BNC2: variants seen among roughly 807,000 people sequenced by gnomAD.
The protein encoded by BNC2 is zinc finger protein basonuclin-2.
Under a neutral mutation model 76.3 loss-of-function variants are expected in BNC2, and 20 were observed. That is an observed-to-expected ratio of 0.26 (90% confidence interval 0.18 to 0.38). The LOEUF is 0.38. BNC2 is among the 10% of genes least tolerant of loss of function. The probability of loss-of-function intolerance (pLI) is 1.00; values close to 1 mark genes in which losing one functional copy is unlikely to be tolerated. For synonymous variants in BNC2, 582 were observed against 514.8 expected (o/e 1.13, Z -1.77); for missense variants, 1,382 against 1,399.8 (o/e 0.99, Z 0.20).
At chr9:16,563,694 T>A (rs187312856) in intron 4 of BNC2, among the ~76,000 whole-genome samples, 189 of 152,366 alleles carry the variant, frequency 1.2e-3, no homozygotes, top group Non-Finnish European at 2.2e-3. Flanking sequence ...TGTGAACAGA[T>A]GTCTCAGCAG....
intron 3 of BNC2, among the ~76,000 whole-genome samples, chr9:16,718,789 C>A (rs1824063199): frequency 6.6e-6 from 1 of 152,186 alleles, no homozygotes; most frequent in Non-Finnish European, 1.5e-5. Context: ...CACAGGCTCA[C>A]TGCCTCTGAG....
chr9:16,658,189 T>C (rs1481518878), intron 3 of BNC2, among the ~76,000 whole-genome samples: 1 of 152,110 alleles, frequency 6.6e-6, no homozygotes, highest in Non-Finnish European at 1.5e-5. Flanking sequence ...GTAGAATGAG[T>C]GAAAATTTTC....
intron 5 of BNC2, 91 bp from the exon 6 acceptor site, chr9:16,437,615 G>T (rs900837076): frequency 1.4e-6 from 2 of 1,448,152 alleles, no homozygotes. Flanking sequence ...TGCTCTGTGT[G>T]CTCATAAAAC....
At chr9:16,749,850 C>A (rs1027834583) in intron 1 of BNC2, among the ~76,000 whole-genome samples, 4 of 152,084 alleles carry the variant, frequency 2.6e-5, no homozygotes, top group Admixed American at 1.3e-4. Flanking sequence ...TTTCTGAACA[C>A]AGTAGTTAAG....
chr9:16,684,295 T>A, intron 3 of BNC2, among the ~76,000 whole-genome samples: 1 of 152,222 alleles, frequency 6.6e-6, no homozygotes, highest in South Asian at 2.1e-4. Flanking sequence ...TGCATTTGCA[T>A]GTCACACACA....
At chr9:16,785,314 T>C (rs1400102458) in intron 1 of BNC2, among the ~76,000 whole-genome samples, 5 of 152,202 alleles carry the variant, frequency 3.3e-5, no homozygotes, top group African/African-American at 1.2e-4. Flanking sequence ...ATTTCACAGA[T>C]ATCACCACTG....
chr9:16,686,684 G>A (rs1289765413), intron 3 of BNC2, among the ~76,000 whole-genome samples: 1 of 152,102 alleles, frequency 6.6e-6, no homozygotes, highest in Non-Finnish European at 1.5e-5. Context: ...AGCCATGCAT[G>A]CTAGCTTAAA....
At chr9:16,747,237 T>C (rs534669905) in intron 1 of BNC2, among the ~76,000 whole-genome samples, 1 of 152,288 alleles carries the variant, frequency 6.6e-6, no homozygotes, top group South Asian at 2.1e-4. Context: ...AGAAATTTCA[T>C]GAAAAGTTTC....
intron 5 of BNC2, among the ~76,000 whole-genome samples, chr9:16,503,422 C>T (rs990234911): frequency 5.3e-5 from 8 of 151,946 alleles, no homozygotes; most frequent in African/African-American, 1.2e-4. Flanking sequence ...TTTTTTTTTA[C>T]TCATTTTTGT....
Position 16,564,150 on chromosome 9 carries a change from T to G in BNC2, c.434-11385A>C, listed in dbSNP as rs770804429. Among the ~76,000 whole-genome samples, 120 of 152,196 alleles carry G rather than the reference T, an allele frequency of 7.9e-4. 1 individual carries two copies. Among genetic ancestry groups the G allele is most frequent in the Admixed American group, 2.0e-3 (31 of 15,280 alleles). On this transcript the variant is annotated intron_variant, in intron 4 of 6. Transcript: ENST00000380672. ...TCCAGTGTTTTTAAAAGATGCTCGT[T>G]GTCTTCCAGATTAAAGACAGAGTCT...
rs1487434421 is a variant in BNC2, at chr9:16,414,105, G to A, written c.*4884C>T. The A allele has an allele frequency of 2.6e-5, 4 of 152,102 alleles. No homozygotes were observed. Among genetic ancestry groups the A allele is most frequent in the Non-Finnish European group, 5.9e-5 (4 of 68,084 alleles). 9.4% of individuals were successfully genotyped at this position (152,102 alleles called of 1,614,324 possible). On this transcript the variant is annotated 3_prime_UTR_variant, in exon 7 of 7. Transcript: ENST00000380672. ...AACCCCACAATTGTCGGCTCTTCCT[G>A]ACCCCAAAGGAACTTCAGCTATTTC...
chr9:16,787,061 T>C (rs968926508), intron 1 of BNC2, among the ~76,000 whole-genome samples: 1 of 152,180 alleles, frequency 6.6e-6, no homozygotes, highest in East Asian at 1.9e-4. Context: ...AATTAGTACA[T>C]TCCCAGGCAA....
chr9:16,488,150 C>T (rs888389823), intron 5 of BNC2, among the ~76,000 whole-genome samples: 4 of 152,168 alleles, frequency 2.6e-5, no homozygotes, highest in African/African-American at 7.2e-5. Flanking sequence ...CAGACAATTT[C>T]GGTGAGATTA....
intron 3 of BNC2, among the ~76,000 whole-genome samples, chr9:16,674,066 T>G (rs1305227006): frequency 6.6e-6 from 1 of 152,232 alleles, no homozygotes; most frequent in Non-Finnish European, 1.5e-5. Flanking sequence ...CTTTTCGGAC[T>G]AATATTCCAC....
At chr9:16,574,058 T>G (rs2132903667) in intron 4 of BNC2, among the ~76,000 whole-genome samples, 1 of 152,270 alleles carries the variant, frequency 6.6e-6, no homozygotes, top group South Asian at 2.1e-4. Flanking sequence ...AACATGATAT[T>G]GCTGAGGCAT....
At chr9:16,795,413 A>AAACATTGGG (rs1239135321) in intron 1 of BNC2, among the ~76,000 whole-genome samples, 2 of 151,596 alleles carry the variant, frequency 1.3e-5, no homozygotes, top group African/African-American at 4.9e-5. Context: ...CACACTCCAG[A>AAACATTGGG]AGTCATTGCA....
At chr9:16,430,387 C>G (rs1476942888) in intron 6 of BNC2, among the ~76,000 whole-genome samples, 1 of 152,108 alleles carries the variant, frequency 6.6e-6, no homozygotes, top group Non-Finnish European at 1.5e-5. Context: ...TATATTAGGG[C>G]AAATATACTA....
At chr9:16,848,388 C>A (rs979266241) in intron 1 of BNC2, among the ~76,000 whole-genome samples, 4 of 152,092 alleles carry the variant, frequency 2.6e-5, no homozygotes, top group African/African-American at 9.7e-5. Flanking sequence ...TAATAATCCA[C>A]CCTGGAACAA....
rs563727547 is a variant in BNC2, at chr9:16,513,073, G to C, written c.669+39457C>G. Reference sequence around the variant, plus strand: ...TCGCTTGAACCTGCAGAGGTTGCAGGGAGCTGAGATCACACCAGTGCACTC... The same window carrying C: ...TCGCTTGAACCTGCAGAGGTTGCAGCGAGCTGAGATCACACCAGTGCACTC... On this transcript the variant is annotated intron_variant, in intron 5 of 6. Coordinates refer to ENST00000380672, the MANE Select transcript of BNC2 (RefSeq NM_017637.6). Among the ~76,000 whole-genome samples the C allele has an allele frequency of 2.6e-5, 4 of 151,992 alleles. No individual in the cohort carries two copies. In the South Asian group the frequency reaches 8.3e-4, roughly 32 times the overall value.
Sources: allele counts gnomAD v4.1 joint callset (sites outside exome capture counted in the v4.1 genomes callset), GRCh38; gene constraint gnomAD v4.1.1; transcripts MANE v1.5; gene names NCBI Gene and HGNC (gene_info 2026-07-23, HGNC 2026-07-21).